The following TMEM43 variants were observed in gnomAD, a reference collection of about 807,000 sequenced individuals.
The protein encoded by TMEM43 is transmembrane protein 43, also known as arrhythmogenic right ventricular dysplasia 5.
TMEM43 carries 45 observed loss-of-function variants against 49.6 expected under a neutral mutation model. The ratio of observed to expected loss-of-function variants is 0.91; its 90% CI spans 0.71 to 1.16. TMEM43 has a LOEUF of 1.16. Ranked by LOEUF, TMEM43 falls within the 50% of genes most tolerant of loss-of-function variation. The probability of loss-of-function intolerance (pLI) is 0.00; values close to 1 mark genes in which losing one functional copy is unlikely to be tolerated. For missense variants in TMEM43, 532 were observed against 516.6 expected (o/e 1.03, Z -0.29); for synonymous variants, 199 against 207.8 (o/e 0.96, Z 0.36).
chr3:14,131,603 G>A lies in TMEM43; in HGVS notation c.321G>A (p.Gly107=), dbSNP rs140780192. 6.2e-7 allele frequency: 1 copy of A among 1,613,968 alleles called. No individual in the cohort carries two copies. Among genetic ancestry groups the A allele is most frequent in the African/African-American group, 1.3e-5 (1 of 74,896 alleles). The change falls in exon 4 of 12, where the codon GGG becomes GGA. Residue 107 remains glycine, a synonymous_variant. Coordinates refer to ENST00000306077, the MANE Select transcript of TMEM43 (RefSeq NM_024334.3). The part of the protein sequence containing the change: ...TSKLLSDPNY[G]VHLPAVKLRR... ...AGCTTTTGTCTGATCCAAACTATGG[G>A]GTCCATCTTCCGGCTGTGAAACTGC...
At chr3:14,139,345 G>A in intron 11 of TMEM43, 48 bp downstream of exon 11, 3 of 1,296,362 alleles carry the variant, frequency 2.3e-6, no homozygotes. Flanking sequence ...CCCTGAAAGG[G>A]CCTCCTCTGC....
chr3:14,131,284 T>C (rs1350330577), intron 3 of TMEM43, among the ~76,000 whole-genome samples: 1 of 152,246 alleles, frequency 6.6e-6, no homozygotes, highest in Non-Finnish European at 1.5e-5. Context: ...GCCACAAAAC[T>C]ACCCTGGGCA....
rs1213693308 is a variant in TMEM43, at chr3:14,142,616, T to G, written c.*821T>G. On this transcript the variant is annotated 3_prime_UTR_variant, in exon 12 of 12. Coordinates refer to ENST00000306077, the MANE Select transcript of TMEM43 (RefSeq NM_024334.3). Reference sequence around the variant, plus strand: ...CTGTTACAGGAAACACCCTTTAGTCTGTCAGTTGAATTCAGAGCACTGAAA... The same window carrying G: ...CTGTTACAGGAAACACCCTTTAGTCGGTCAGTTGAATTCAGAGCACTGAAA... 1 of 152,692 alleles carries G rather than the reference T, an allele frequency of 6.5e-6. No homozygotes were observed. The allele number at this position is 152,692 out of a possible 1,614,324, so 9.5% of individuals were successfully genotyped here.
intron 10 of TMEM43, among the ~76,000 whole-genome samples, chr3:14,138,591 G>A (rs1003719833): frequency 6.6e-6 from 1 of 152,174 alleles, no homozygotes; most frequent in Non-Finnish European, 1.5e-5. Flanking sequence ...TGGAGGTGGT[G>A]GGAGCTGCAG....
rs938292046 is a variant in TMEM43, at chr3:14,141,720, C to T, written c.1128C>T (p.Ala376=). The T allele has an allele frequency of 6.2e-7, 1 of 1,614,204 alleles. No homozygotes were observed. Among genetic ancestry groups the T allele is most frequent in the African/African-American group, 1.3e-5 (1 of 75,060 alleles). ...GGCTCTTCTACCGACCCCTGTGGGC[C>T]CTCCTCATTGCCGGCCTGGCCCTTG... is the stretch of plus-strand genomic sequence containing the variant. The part of the protein sequence containing the change: ...AGWLFYRPLW[A]LLIAGLALVP... The change falls in exon 12 of 12, where the codon GCC becomes GCT. Residue 376 remains alanine, a synonymous_variant. Coordinates refer to ENST00000306077, the MANE Select transcript of TMEM43 (RefSeq NM_024334.3).
Position 14,135,894 on chromosome 3 carries a change from G to A in TMEM43, c.868G>A (p.Asp290Asn), listed in dbSNP as rs1199428193. 1.2e-6 allele frequency: 2 copies of A among 1,614,048 alleles called. No individual in the cohort carries two copies. Among genetic ancestry groups the A allele is most frequent in the East Asian group, 2.2e-5 (1 of 44,894 alleles). The stretch of plus-strand genomic sequence containing the variant: ...TACCTTACTGCTCCTGCACCACGGG[G>A]ACTTCTCAGCAGAGGTGAGTGCTGT... ...GDTLLLLHHG[D>N]FSAEEVFHRE... Residue 290 changes from aspartate to asparagine, a missense_variant, in exon 10 of 12, where the codon GAC becomes AAC. Physicochemically the swap from Asp to Asn is conservative, Grantham distance 23. Coordinates refer to ENST00000306077, the MANE Select transcript of TMEM43 (RefSeq NM_024334.3).
chr3:14,140,786 T>G lies in TMEM43; in HGVS notation c.1001-807T>G, dbSNP rs117144604. On this transcript the variant is annotated intron_variant, in intron 11 of 11. Transcript: ENST00000306077. Reference sequence around the variant, plus strand: ...TCAGAAACATGAACTTTGCTTATTATAAGGGCTGAGTAGCAGTGCTGTATG... The same window carrying G: ...TCAGAAACATGAACTTTGCTTATTAGAAGGGCTGAGTAGCAGTGCTGTATG... Among the ~76,000 whole-genome samples, 204 of 152,310 alleles carry G rather than the reference T, an allele frequency of 1.3e-3. 5 individuals are homozygous for G. In the East Asian group the frequency reaches 0.035, roughly 26 times the overall value.
In TMEM43 at chr3:14,132,924, C is replaced by T; in HGVS notation, c.501C>T (p.His167=). ...AAAACTTCGACCGAGAGATTGGCCA[C>T]AAAAACCCCAGGTGAGAGCCAGGCC... ...NSKNFDREIG[H]KNPSAMAVES... The change falls in exon 6 of 12, where the codon CAC becomes CAT. Residue 167 remains histidine, a synonymous_variant. Coordinates refer to ENST00000306077, the MANE Select transcript of TMEM43 (RefSeq NM_024334.3). 1 of 1,613,812 alleles carries T rather than the reference C, an allele frequency of 6.2e-7. No homozygotes were observed. Among genetic ancestry groups the T allele is most frequent in the Non-Finnish European group, 8.5e-7 (1 of 1,179,772 alleles).
At position 14,141,714 on chromosome 3, in the gene TMEM43, G is replaced by C. The variant is rs1258948257; in HGVS notation, c.1122G>C (p.Leu374=). The change falls in exon 12 of 12, where the codon CTG becomes CTC. Residue 374 remains leucine (L), a synonymous_variant. Transcript: ENST00000306077. ...VAAGWLFYRP[L]WALLIAGLAL... ...CTGGCTGGCTCTTCTACCGACCCCT[G>C]TGGGCCCTCCTCATTGCCGGCCTGG... 1 of 1,614,030 alleles carries C rather than the reference G, an allele frequency of 6.2e-7. No individual in the cohort carries two copies. Among genetic ancestry groups the C allele is most frequent in the African/African-American group, 1.3e-5 (1 of 74,924 alleles).
At chr3:14,129,325 A>T in intron 1 of TMEM43, 87 bp from the exon 2 acceptor site, 1 of 1,069,520 alleles carries the variant, frequency 9.3e-7, no homozygotes, top group South Asian at 1.8e-5. Context: ...AAAAAAAAAA[A>T]AAAAAAAAAT....
At chr3:14,138,805 G>A (rs1334180608) in intron 10 of TMEM43, among the ~76,000 whole-genome samples, 1 of 152,222 alleles carries the variant, frequency 6.6e-6, no homozygotes, top group Admixed American at 6.5e-5. Context: ...AAGCCATGTG[G>A]AGAGGTTCTG....
At chr3:14,128,178 G>T (rs985086771) in intron 1 of TMEM43, among the ~76,000 whole-genome samples, 1 of 152,180 alleles carries the variant, frequency 6.6e-6, no homozygotes, top group Non-Finnish European at 1.5e-5. Flanking sequence ...TGCAAACCCA[G>T]TTCTTCTGGC....
Position 14,132,581 on chromosome 3 carries a change from C to T in TMEM43, c.428C>T (p.Thr143Met), listed in dbSNP as rs544554435. ...GAGGATGGGCAGGTGAAGAAGGAGA[C>T]GAGGTATTCCTACAGTGAGTGCTGG... Reference protein sequence around the residue: ...YTEDGQVKKETRYSYNTEWRS... With the variant: ...YTEDGQVKKEMRYSYNTEWRS... Residue 143 changes from threonine to methionine, a missense_variant, in exon 5 of 12, where the codon ACG (threonine) becomes ATG (methionine). Coordinates refer to ENST00000306077, the MANE Select transcript of TMEM43 (RefSeq NM_024334.3). 6.3e-5 allele frequency: 102 copies of T among 1,614,084 alleles called. No individual in the cohort carries two copies. The highest frequency in any genetic ancestry group is 1.8e-4 in the Admixed American group (11 of 60,014).
intron 2 of TMEM43, 120 bp from the exon 3 acceptor site, chr3:14,130,702 G>A (rs878927659): frequency 1.0e-4 from 132 of 1,312,790 alleles, no homozygotes; most frequent in Non-Finnish European, 1.3e-4. Context: ...CCAACTGTAC[G>A]GTGGGGAGAT....
intron 1 of TMEM43, among the ~76,000 whole-genome samples, 164 bp downstream of exon 1, chr3:14,125,369 C>T (rs1479116177): frequency 1.3e-5 from 2 of 152,256 alleles, no homozygotes; most frequent in Non-Finnish European, 2.9e-5. Context: ...GCTCATCCCT[C>T]TGCTCATCTC....
Position 14,141,884 on chromosome 3 carries a change from G to A in TMEM43, c.*89G>A, listed in dbSNP as rs1695253574. On this transcript the variant is annotated 3_prime_UTR_variant, in exon 12 of 12. Transcript: ENST00000306077. ...GACCCAGCTCCATGCCAGAGCAGGA[G>A]CCCCGGTCAATTTTGGACTCTGCAC... 7.2e-7 allele frequency: 1 copy of A among 1,394,442 alleles called. No individual in the cohort carries two copies. The highest frequency in any genetic ancestry group is 1.4e-5 in the African/African-American group (1 of 69,692). The allele number at this position is 1,394,442 out of a possible 1,614,324, so 86.4% of individuals were successfully genotyped here.
chr3:14,132,353 C>A (rs921788442), intron 4 of TMEM43, among the ~76,000 whole-genome samples, 193 bp from the exon 5 acceptor site: 1 of 152,150 alleles, frequency 6.6e-6, no homozygotes, highest in African/African-American at 2.4e-5. Context: ...CTCCAGGTAG[C>A]GCCTTGGAGG....
chr3:14,143,203 A>G lies in TMEM43; in HGVS notation c.*1408A>G, dbSNP rs1024196047. Reference sequence around the variant, plus strand: ...TGATTCTTTGTGTACCTTTTCTGTCATATTCAGAAACCGTTTTGTGCCTGC... The same window carrying G: ...TGATTCTTTGTGTACCTTTTCTGTCGTATTCAGAAACCGTTTTGTGCCTGC... On this transcript the variant is annotated 3_prime_UTR_variant, in exon 12 of 12. Transcript: ENST00000306077. The G allele has an allele frequency of 2.0e-5, 3 of 152,244 alleles. No individual in the cohort carries two copies. The highest frequency in any genetic ancestry group is 7.2e-5 in the African/African-American group (3 of 41,456). The allele number at this position is 152,244 out of a possible 1,614,324, so 9.4% of individuals were successfully genotyped here.
chr3:14,137,458 C>T (rs866048448), intron 10 of TMEM43, among the ~76,000 whole-genome samples: 1 of 152,152 alleles, frequency 6.6e-6, no homozygotes, highest in Non-Finnish European at 1.5e-5. Flanking sequence ...GCTCAGGCGG[C>T]CTCCTTACCC....
Sources: allele counts gnomAD v4.1 joint callset (sites outside exome capture counted in the v4.1 genomes callset), GRCh38; gene constraint gnomAD v4.1.1; transcripts MANE v1.5; gene names NCBI Gene and HGNC (gene_info 2026-07-23, HGNC 2026-07-21).